Variants in RB1 observed in about 807,000 individuals in gnomAD.
RB1 encodes retinoblastoma-associated protein.
Under a neutral mutation model 135.4 loss-of-function variants are expected in RB1, and 18 were observed. That is an observed-to-expected ratio of 0.13 (90% CI 0.09 to 0.20). The LOEUF is 0.20. Among genes scored for constraint, RB1 ranks in the 10% least tolerant of loss-of-function variants. The probability of loss-of-function intolerance (pLI) is 1.00; values close to 1 mark genes in which losing one functional copy is unlikely to be tolerated. For synonymous variants in RB1, 365 were observed against 373.2 expected (o/e 0.98, Z 0.25); for missense variants, 868 against 1,110.0 (o/e 0.78, Z 3.10).
intron 17 of RB1, among the ~76,000 whole-genome samples, chr13:48,431,247 T>C (rs530153862): frequency 6.6e-6 from 1 of 152,314 alleles, no homozygotes; most frequent in South Asian, 2.1e-4. Flanking sequence ...CCAAATTTAA[T>C]ATTTGTATTT....
rs1949507909 is a variant in RB1 at position 48,476,898 on chromosome 13, CAG to C, written c.2663+58_2663+59del. On this transcript the variant is annotated intron_variant, in intron 25 of 26. Transcript: ENST00000267163. ...AGCCGAGATGGTCATCTGGGGAATC[CAG>C]AGTCTCAGCACTGCTCCTGGCTTAT... 1.9e-5 allele frequency: 30 copies of C among 1,593,408 alleles called. No individual in the cohort carries two copies. The South Asian group carries it at 2.8e-4, about 15-fold the overall frequency.
intron 3 of RB1, 72 bp from the exon 4 acceptor site, chr13:48,345,008 T>C: frequency 7.3e-6 from 11 of 1,499,442 alleles, no homozygotes; most frequent in Non-Finnish European, 1.0e-5. Flanking sequence ...TTGAAATATC[T>C]ATGATTTGAA....
intron 20 of RB1, among the ~76,000 whole-genome samples, chr13:48,460,096 G>A (rs1397377200): frequency 6.7e-6 from 1 of 150,118 alleles, no homozygotes; most frequent in African/African-American, 2.4e-5. Context: ...CAGCCTCCCA[G>A]GTAGCTAGGA....
intron 17 of RB1, chr13:48,426,774 G>C (rs1345504800): frequency 1.3e-5 from 2 of 152,160 alleles, no homozygotes; most frequent in Admixed American, 6.5e-5. Flanking sequence ...TACTGATGTT[G>C]TGCTAGTTCG....
chr13:48,313,019 C>G (rs1952144568), intron 2 of RB1, among the ~76,000 whole-genome samples: 1 of 152,124 alleles, frequency 6.6e-6, no homozygotes, highest in Non-Finnish European at 1.5e-5. Flanking sequence ...ATTTGTAGTT[C>G]TTCATGGTCT....
chr13:48,440,298 G>C (rs1484383649), intron 17 of RB1, among the ~76,000 whole-genome samples: 1 of 152,124 alleles, frequency 6.6e-6, no homozygotes, highest in Non-Finnish European at 1.5e-5. Context: ...TTTTTCCTGA[G>C]ATAGAAGTGG....
At chr13:48,379,254 A>T (rs1273688655) in intron 13 of RB1, among the ~76,000 whole-genome samples, 3 of 152,190 alleles carry the variant, frequency 2.0e-5, no homozygotes, top group African/African-American at 7.2e-5. Flanking sequence ...CCCTCTTGTT[A>T]ATTTACTTGG....
intron 7 of RB1, chr13:48,360,613 T>C (rs972218545): frequency 6.3e-6 from 1 of 158,778 alleles, no homozygotes; most frequent in African/African-American, 2.4e-5. Context: ...GTAATAACTA[T>C]GTATTTTTTT....
chr13:48,417,697 T>G (rs1291967000), intron 17 of RB1, among the ~76,000 whole-genome samples: 1 of 151,636 alleles, frequency 6.6e-6, no homozygotes, highest in Admixed American at 6.6e-5. Flanking sequence ...ATAAATGACC[T>G]GATGGAGCTG....
chr13:48,317,957 A>G (rs1005669362), intron 2 of RB1: 10 of 439,132 alleles, frequency 2.3e-5, no homozygotes, highest in Non-Finnish European at 3.5e-5. Flanking sequence ...CTTTTCCGCC[A>G]AAAACTTACT....
chr13:48,305,256 T>C (rs1952071445), intron 1 of RB1, among the ~76,000 whole-genome samples: 1 of 152,170 alleles, frequency 6.6e-6, no homozygotes, highest in African/African-American at 2.4e-5. Context: ...GCAGAAAAGA[T>C]TGAAGTGGGA....
chr13:48,402,379 C>CTTTTTTTTTT (rs545934425), intron 17 of RB1, among the ~76,000 whole-genome samples: 3,922 of 125,610 alleles, frequency 0.031, 151 homozygotes, highest in African/African-American at 0.039. Flanking sequence ...TGTAGAAAAC[C>CTTTTTTTTTT]TTTTTTTTTT....
At chr13:48,343,907 A>G (rs1380667487) in intron 3 of RB1, among the ~76,000 whole-genome samples, 2 of 152,118 alleles carry the variant, frequency 1.3e-5, no homozygotes, top group East Asian at 3.9e-4. Context: ...AACTTTAATA[A>G]CCTTTTGGTT....
At chr13:48,336,622 T>G (rs1337559157) in intron 2 of RB1, among the ~76,000 whole-genome samples, 1 of 151,988 alleles carries the variant, frequency 6.6e-6, no homozygotes, top group Non-Finnish European at 1.5e-5. Flanking sequence ...TTTGTTGATC[T>G]TTTCAAAAAG....
intron 14 of RB1, 84 bp from the exon 15 acceptor site, chr13:48,379,957 TAAAAAAAAAAAA>T (rs35427721): frequency 2.4e-5 from 9 of 369,282 alleles, no homozygotes; most frequent in South Asian, 6.2e-5. Context: ...AGACACCATC[TAAAAAAAAAAAA>T]AAAAAAAAAA....
intron 17 of RB1, among the ~76,000 whole-genome samples, chr13:48,442,340 A>G (rs540914558): frequency 1.2e-4 from 19 of 152,230 alleles, no homozygotes; most frequent in African/African-American, 4.3e-4. Flanking sequence ...AGCTGGGACT[A>G]CAGGCGCATG....
At chr13:48,324,680 A>C (rs577771217) in intron 2 of RB1, among the ~76,000 whole-genome samples, 86 of 152,322 alleles carry the variant, frequency 5.6e-4, no homozygotes, top group African/African-American at 1.9e-3. Flanking sequence ...ATGGGAATGC[A>C]GATATCTCTT....
intron 2 of RB1, among the ~76,000 whole-genome samples, chr13:48,340,035 G>T (rs945264416): frequency 1.3e-5 from 2 of 152,124 alleles, no homozygotes; most frequent in African/African-American, 4.8e-5. Context: ...TTCTACAGAG[G>T]TGCGAAGGTA....
intron 2 of RB1, among the ~76,000 whole-genome samples, chr13:48,321,239 T>C (rs1467707951): frequency 6.6e-6 from 1 of 152,044 alleles, no homozygotes; most frequent in Non-Finnish European, 1.5e-5. Flanking sequence ...TTGCATTTGC[T>C]TTTGGTGACA....
Sources: gnomAD v4.1 joint callset for allele counts (sites outside exome capture counted in the v4.1 genomes callset) on GRCh38, gnomAD v4.1.1 for gene constraint, MANE v1.5 for transcripts, NCBI Gene and HGNC (gene_info 2026-07-23, HGNC 2026-07-21) for gene names.